The following SLC23A1 variants were observed in gnomAD, a reference collection of about 807,000 sequenced individuals.
SLC23A1 encodes solute carrier family 23 member 1.
Under a neutral mutation model 62.5 loss-of-function variants are expected in SLC23A1, and 31 were observed. The ratio of observed to expected loss-of-function variants is 0.50; its 90% CI spans 0.37 to 0.67. The LOEUF (loss-of-function observed/expected upper bound fraction) is 0.67, where lower values mean the gene tolerates loss of function less well. SLC23A1 is among the 30% of genes least tolerant of loss of function. SLC23A1 has a pLI of 0.00. For synonymous variants in SLC23A1, 271 were observed against 313.2 expected, an observed-to-expected ratio of 0.87 and a Z score of 1.42; for missense variants, 640 against 782.7, an observed-to-expected ratio of 0.82 and a Z score of 2.18.
Position 139,379,486 on chromosome 5 carries a change from G to C in SLC23A1, c.926-132C>G. 2 of 1,072,952 alleles carry C rather than the reference G, an allele frequency of 1.9e-6. No homozygotes were observed. The highest frequency in any genetic ancestry group is 5.1e-5 in the East Asian group (2 of 39,274). 66.5% of individuals were successfully genotyped at this position (1,072,952 alleles called of 1,614,324 possible). ...GCTGGGATGGGAGCTATACAGTTGT[G>C]GGAGCTTATTTGAGTCACTCAGAGC... On this transcript the variant is annotated intron_variant, in intron 8 of 14. Transcript: ENST00000348729. This position sits in a 1 kb window ranked among gnomAD's most constrained non-coding sequence, Gnocchi z 4.7.
chr5:139,385,560 T>C (rs1031138355), upstream of SLC23A1, among the ~76,000 whole-genome samples: 4 of 151,850 alleles, frequency 2.6e-5, no homozygotes, highest in Non-Finnish European at 5.9e-5. Context: ...GCGTGCACAG[T>C]TTTCCTTGGT....
At chr5:139,370,451 G>A (rs1209237166) in intron 14 of SLC23A1, among the ~76,000 whole-genome samples, 5 of 150,940 alleles carry the variant, frequency 3.3e-5, no homozygotes, top group South Asian at 2.1e-4. Context: ...GATTACAGGC[G>A]TGAGCCACCG....
chr5:139,375,401 T>C (rs1020299075), intron 13 of SLC23A1, among the ~76,000 whole-genome samples: 4 of 152,188 alleles, frequency 2.6e-5, no homozygotes, highest in African/African-American at 9.7e-5. Context: ...GTATATAGCA[T>C]GCACCTGTAC....
Position 139,379,431 on chromosome 5 carries a change from A to T in SLC23A1, c.926-77T>A. On this transcript the variant is annotated intron_variant, in intron 8 of 14. Coordinates refer to ENST00000348729, the MANE Select transcript of SLC23A1 (RefSeq NM_005847.5). This position sits in a 1 kb window ranked among gnomAD's most constrained non-coding sequence, Gnocchi z 4.7. ...TTAGGAATAGACAGGGCAGTGCTGGAAGGAGCAAGAGCAGATCAGGAGACC... is the reference window on the plus strand; with the variant it reads ...TTAGGAATAGACAGGGCAGTGCTGGTAGGAGCAAGAGCAGATCAGGAGACC... 6.9e-7 allele frequency: 1 copy of T among 1,446,342 alleles called. No individual in the cohort carries two copies. The highest frequency in any genetic ancestry group is 9.7e-7 in the Non-Finnish European group (1 of 1,033,568). The allele number at this position is 1,446,342 out of a possible 1,614,324, so 89.6% of individuals were successfully genotyped here.
Position 139,378,760 on chromosome 5 carries a change from G to A in SLC23A1, c.1074-76C>T. 8.9e-7 allele frequency: 1 copy of A among 1,126,392 alleles called. No homozygotes were observed. Among genetic ancestry groups the A allele is most frequent in the Non-Finnish European group, 1.3e-6 (1 of 760,218 alleles). 69.8% of individuals were successfully genotyped at this position (1,126,392 alleles called of 1,614,324 possible). A position where few individuals can be genotyped will look rare whatever the true frequency, so the allele number is the denominator to read the frequency against. ...TGTTCCCCCATCATCTTAGCAAGCTGCCGTCCTCTGGGGCTGTGGGGGCTG... is the reference window on the plus strand; with the variant it reads ...TGTTCCCCCATCATCTTAGCAAGCTACCGTCCTCTGGGGCTGTGGGGGCTG... On this transcript the variant is annotated intron_variant, in intron 9 of 14. Transcript: ENST00000348729. This position sits in a 1 kb window ranked among gnomAD's most constrained non-coding sequence, Gnocchi z 4.5.
At chr5:139,371,079 C>CT (rs1224866306) in intron 14 of SLC23A1, among the ~76,000 whole-genome samples, 1 of 151,636 alleles carries the variant, frequency 6.6e-6, no homozygotes, top group Non-Finnish European at 1.5e-5. Flanking sequence ...AAGACTCTGT[C>CT]TCAAAAAAAA....
In SLC23A1 at chr5:139,378,453, G is replaced by T; in HGVS notation, c.1180-102C>A. ...ATAAGAGCGAGGCATAAACCGGCTG[G>T]GGCTTGATGCGGGGGCGAGGCCTCT... On this transcript the variant is annotated intron_variant, in intron 10 of 14. Coordinates refer to ENST00000348729, the MANE Select transcript of SLC23A1 (RefSeq NM_005847.5). This position sits in a 1 kb window ranked among gnomAD's most constrained non-coding sequence, Gnocchi z 4.5. 6.8e-7 allele frequency: 1 copy of T among 1,472,198 alleles called. No individual in the cohort carries two copies. The highest frequency in any genetic ancestry group is 1.3e-5 in the South Asian group (1 of 79,484). The allele number at this position is 1,472,198 out of a possible 1,614,324, so 91.2% of individuals were successfully genotyped here. A position where few individuals can be genotyped will look rare whatever the true frequency, so the allele number is the denominator to read the frequency against.
intron 13 of SLC23A1, among the ~76,000 whole-genome samples, chr5:139,376,347 T>A (rs777417632): frequency 2.0e-5 from 3 of 151,930 alleles, no homozygotes; most frequent in Non-Finnish European, 4.4e-5. Context: ...TTTTTGCATT[T>A]TTAGTAGAGA....
chr5:139,384,906 G>A (rs974582777), upstream of SLC23A1, among the ~76,000 whole-genome samples: 2 of 152,172 alleles, frequency 1.3e-5, no homozygotes, highest in African/African-American at 2.4e-5. Context: ...TGAAGGCCAC[G>A]GATGGTGGGG....
chr5:139,371,955 A>C, intron 14 of SLC23A1, 32 bp downstream of exon 14: 1 of 1,558,196 alleles, frequency 6.4e-7, no homozygotes, highest in Admixed American at 1.8e-5. Flanking sequence ...TGATTATTCA[A>C]CCCTCCCACA....
At position 139,378,532 on chromosome 5, in the gene SLC23A1, C is replaced by T; in HGVS notation, c.1179+47G>A. On this transcript the variant is annotated intron_variant, in intron 10 of 14. Coordinates refer to ENST00000348729, the MANE Select transcript of SLC23A1 (RefSeq NM_005847.5). The surrounding 1 kb of genome is among the most constrained non-coding windows in gnomAD (Gnocchi z 4.5). ...GGGGACCGAGTTGGGGCGGGGCCTG[C>T]GGCCCACGGAATTAGGGCAGGATTT... 1.4e-6 allele frequency: 2 copies of T among 1,450,920 alleles called. No individual in the cohort carries two copies. Among genetic ancestry groups the T allele is most frequent in the Non-Finnish European group, 9.4e-7 (1 of 1,067,584 alleles). 89.9% of individuals were successfully genotyped at this position (1,450,920 alleles called of 1,614,324 possible).
rs1214621306 is a variant in SLC23A1, at chr5:139,367,302, C to A, written c.*349G>T. Reference sequence around the variant, plus strand: ...CATACCTACATTTCAGGCCCTGGAACCTGCCCTCATTTCTTTTTATTTTTT... The same window carrying A: ...CATACCTACATTTCAGGCCCTGGAAACTGCCCTCATTTCTTTTTATTTTTT... On this transcript the variant is annotated 3_prime_UTR_variant, in exon 15 of 15. Coordinates refer to ENST00000348729, the MANE Select transcript of SLC23A1 (RefSeq NM_005847.5). 1 of 152,186 alleles carries A rather than the reference C, an allele frequency of 6.6e-6. No individual in the cohort carries two copies. The highest frequency in any genetic ancestry group is 2.1e-4 in the South Asian group (1 of 4,820). 9.4% of individuals were successfully genotyped at this position (152,186 alleles called of 1,614,324 possible). A position where few individuals can be genotyped will look rare whatever the true frequency, so the allele number is the denominator to read the frequency against.
intron 3 of SLC23A1, 129 bp downstream of exon 3, chr5:139,381,763 G>C (rs1315000369): frequency 2.7e-6 from 2 of 727,888 alleles, no homozygotes; most frequent in East Asian, 5.4e-5. Flanking sequence ...GCCTGGGATA[G>C]GAGAAGCAGG....
chr5:139,380,841 G>T lies in SLC23A1; in HGVS notation c.354C>A (p.Ala118=). 1.3e-6 allele frequency: 2 copies of T among 1,578,808 alleles called. No individual in the cohort carries two copies. Among genetic ancestry groups the T allele is most frequent in the Non-Finnish European group, 1.7e-6 (2 of 1,161,354 alleles). Reference sequence around the variant, plus strand: ...ATCTCTCCAGAGCCAGTATGGCTTTGGCTGGAACCAGAAATGCAAAGGCAC... The same window carrying T: ...ATCTCTCCAGAGCCAGTATGGCTTTTGCTGGAACCAGAAATGCAAAGGCAC... The part of the protein sequence containing the change: ...QASAFAFLVP[A]KAILALERWK... Residue 118 remains alanine, a synonymous_variant, in exon 4 of 15, where the codon GCC becomes GCA. Transcript: ENST00000348729.
Position 139,382,489 on chromosome 5 carries a change from C to T in SLC23A1, c.150+3G>A. The T allele has an allele frequency of 1.9e-6, 3 of 1,591,250 alleles. No individual in the cohort carries two copies. The highest frequency in any genetic ancestry group is 2.6e-6 in the Non-Finnish European group (3 of 1,159,718). On this transcript the variant is annotated splice_donor_region_variant and intron_variant, in intron 2 of 14. Coordinates refer to ENST00000348729, the MANE Select transcript of SLC23A1 (RefSeq NM_005847.5). ...GAGGGCGGGGAGGCCCTGGGGGACCCACCTGGAAGCCCAGCAGGATGCACA... is the reference window on the plus strand; with the variant it reads ...GAGGGCGGGGAGGCCCTGGGGGACCTACCTGGAAGCCCAGCAGGATGCACA...
Position 139,379,452 on chromosome 5 carries a change from A to G in SLC23A1, c.926-98T>C. On this transcript the variant is annotated intron_variant, in intron 8 of 14. Transcript: ENST00000348729. This position sits in a 1 kb window ranked among gnomAD's most constrained non-coding sequence, Gnocchi z 4.7. The stretch of plus-strand genomic sequence containing the variant: ...CTGGAAGGAGCAAGAGCAGATCAGG[A>G]GACCTCAGGCTGGGATGGGAGCTAT... The G allele has an allele frequency of 3.9e-6, 5 of 1,277,758 alleles. No homozygotes were observed. The highest frequency in any genetic ancestry group is 5.6e-6 in the Non-Finnish European group (5 of 887,194). The allele number at this position is 1,277,758 out of a possible 1,614,324, so 79.2% of individuals were successfully genotyped here.
intron 1 of SLC23A1, 54 bp from the exon 2 acceptor site, chr5:139,382,659 T>C (rs1297840837): frequency 9.1e-7 from 1 of 1,103,916 alleles, no homozygotes; most frequent in African/African-American, 1.6e-5. Context: ...ACAGGCAAAA[T>C]CCATTCTGCC....
rs1032197104 is a variant in SLC23A1 at position 139,379,103 on chromosome 5, C to T, written c.1073+104G>A. The T allele has an allele frequency of 3.4e-6, 4 of 1,179,860 alleles. No individual in the cohort carries two copies. Among genetic ancestry groups the T allele is most frequent in the Admixed American group, 3.7e-5 (2 of 53,988 alleles). The allele number at this position is 1,179,860 out of a possible 1,614,324, so 73.1% of individuals were successfully genotyped here. On this transcript the variant is annotated intron_variant, in intron 9 of 14. Transcript: ENST00000348729. The surrounding 1 kb of genome is among the most constrained non-coding windows in gnomAD (Gnocchi z 4.7). ...AGGAGAATGAGGTCTGGAGCGTGTTCCCGACTTGCCTAAGCCTACCCCCTG... is the reference window on the plus strand; with the variant it reads ...AGGAGAATGAGGTCTGGAGCGTGTTTCCGACTTGCCTAAGCCTACCCCCTG...
upstream of SLC23A1, among the ~76,000 whole-genome samples, chr5:139,385,397 G>A (rs146564786): frequency 1.4e-3 from 207 of 152,192 alleles, 2 homozygotes; most frequent in African/African-American, 4.8e-3. Context: ...GAATCTGGCT[G>A]GTCAGAAACC....
Sources: allele counts gnomAD v4.1 joint callset (sites outside exome capture counted in the v4.1 genomes callset), GRCh38; gene constraint gnomAD v4.1.1; non-coding constraint Gnocchi (gnomAD v3.1); transcripts MANE v1.5; gene names NCBI Gene and HGNC (gene_info 2026-07-23, HGNC 2026-07-21).